ERC2: variants seen among roughly 807,000 people sequenced by gnomAD.
ERC2 encodes the protein ERC protein 2.
A neutral mutation model predicts 114.8 loss-of-function variants in ERC2; 42 were observed. That is an observed-to-expected ratio of 0.37 (90% CI 0.29 to 0.47). The LOEUF (loss-of-function observed/expected upper bound fraction) is 0.47. Ranked by LOEUF, ERC2 falls within the 20% of genes least tolerant of loss-of-function variation. The pLI is 0.99. For missense variants in ERC2, 939 were observed against 1,150.7 expected (o/e 0.82, Z 2.66); for synonymous variants, 454 against 425.5 (o/e 1.07, Z -0.82).
rs2149551670 is a variant in ERC2 at position 56,003,020 on chromosome 3, G to A, written c.2061+4161C>T. ...CTCAAATATTTTCAAAACCTCCCCA[G>A]TATGGCACACCGTGACTGGTGATCA... On this transcript the variant is annotated intron_variant, in intron 10 of 17. Transcript: ENST00000288221. 6.4e-6 allele frequency: 7 copies of A among 1,085,442 alleles called. No homozygotes were observed. The South Asian group carries it at 9.1e-5, about 14-fold the overall frequency. The allele number at this position is 1,085,442 out of a possible 1,614,324, so 67.2% of individuals were successfully genotyped here.
intron 3 of ERC2, among the ~76,000 whole-genome samples, chr3:56,275,689 A>T (rs2053943996): frequency 6.6e-6 from 1 of 152,190 alleles, no homozygotes; most frequent in Non-Finnish European, 1.5e-5. Context: ...GCTCTTAGCT[A>T]GCAAACTCCC....
At chr3:55,811,943 T>A (rs1283933602) in intron 14 of ERC2, among the ~76,000 whole-genome samples, 1 of 152,234 alleles carries the variant, frequency 6.6e-6, no homozygotes, top group Non-Finnish European at 1.5e-5. Flanking sequence ...GGTGGTTTGC[T>A]GCAACTATCA....
intron 13 of ERC2, among the ~76,000 whole-genome samples, chr3:55,940,032 A>G (rs2149421919): frequency 6.6e-6 from 1 of 152,352 alleles, no homozygotes; most frequent in South Asian, 2.1e-4. Flanking sequence ...AGTGACTTAC[A>G]TTTAAAGCCA....
At chr3:56,326,225 T>C (rs7641157) in intron 2 of ERC2, among the ~76,000 whole-genome samples, 47,050 of 152,076 alleles carry the variant, frequency 0.31, 7,429 homozygotes, top group Admixed American at 0.34. Flanking sequence ...AGCCAAAGCC[T>C]GAGGAAAGTC....
intron 14 of ERC2, among the ~76,000 whole-genome samples, chr3:55,845,707 C>G (rs553930577): frequency 6.6e-6 from 1 of 152,194 alleles, no homozygotes; most frequent in Non-Finnish European, 1.5e-5. Context: ...AATCTATAAG[C>G]CAGAGTCCAT....
intron 14 of ERC2, among the ~76,000 whole-genome samples, chr3:55,783,439 T>G (rs1262342292): frequency 6.6e-6 from 1 of 152,244 alleles, no homozygotes; most frequent in African/African-American, 2.4e-5. Context: ...ACAAATGTTA[T>G]TTCTCTGAAT....
chr3:55,817,030 GC>G (rs1464007691), intron 14 of ERC2, among the ~76,000 whole-genome samples: 1 of 152,188 alleles, frequency 6.6e-6, no homozygotes, highest in African/African-American at 2.4e-5. Flanking sequence ...AGCACACGAT[GC>G]TTCAAATAAC....
chr3:56,361,134 T>C (rs2058941554), intron 2 of ERC2, among the ~76,000 whole-genome samples: 1 of 151,960 alleles, frequency 6.6e-6, no homozygotes, highest in South Asian at 2.1e-4. Flanking sequence ...TTGTCTGACG[T>C]GCTATGGAGA....
At chr3:55,530,251 C>T (rs1367975433) in intron 17 of ERC2, among the ~76,000 whole-genome samples, 1 of 152,190 alleles carries the variant, frequency 6.6e-6, no homozygotes, top group Non-Finnish European at 1.5e-5. Flanking sequence ...GGTAAGATAG[C>T]AAAGGGCCAG....
chr3:55,547,282 A>G (rs2054822966), intron 17 of ERC2, among the ~76,000 whole-genome samples: 1 of 152,112 alleles, frequency 6.6e-6, no homozygotes, highest in Non-Finnish European at 1.5e-5. Flanking sequence ...CATCCTCTAC[A>G]TCGGCCAGGT....
intron 3 of ERC2, among the ~76,000 whole-genome samples, chr3:56,251,472 A>C (rs2052148772): frequency 6.6e-6 from 1 of 152,204 alleles, no homozygotes; most frequent in Non-Finnish European, 1.5e-5. Flanking sequence ...ACACAGGAAA[A>C]GCAATGTCCA....
intron 17 of ERC2, among the ~76,000 whole-genome samples, chr3:55,656,938 T>C (rs1246589282): frequency 6.6e-6 from 1 of 152,190 alleles, no homozygotes; most frequent in Non-Finnish European, 1.5e-5. Flanking sequence ...GAAGTAGTCA[T>C]GTAAGGGCAT....
chr3:55,646,994 A>G (rs984580951), intron 17 of ERC2: 21 of 152,096 alleles, frequency 1.4e-4, no homozygotes, highest in African/African-American at 4.4e-4. Flanking sequence ...ACAGGTGCAC[A>G]ACCACTCTCA....
At chr3:56,370,885 C>T (rs1015158202) in intron 2 of ERC2, among the ~76,000 whole-genome samples, 6 of 152,148 alleles carry the variant, frequency 3.9e-5, no homozygotes, top group East Asian at 1.9e-4. Context: ...TGAGGCACTG[C>T]GCCCAGCCTT....
intron 7 of ERC2, among the ~76,000 whole-genome samples, chr3:56,024,171 G>A (rs2073903816): frequency 6.6e-6 from 1 of 152,114 alleles, no homozygotes; most frequent in Admixed American, 6.5e-5. Context: ...AGAAAAATGG[G>A]GAAACTCACA....
Position 55,512,169 on chromosome 3 carries a change from G to A in ERC2, c.*40-893C>T, listed in dbSNP as rs528785836. Among the ~76,000 whole-genome samples, 112 of 152,238 alleles carry A rather than the reference G, an allele frequency of 7.4e-4. 1 individual carries two copies. Among genetic ancestry groups the A allele is most frequent in the Non-Finnish European group, 7.2e-4 (49 of 68,022 alleles). On this transcript the variant is annotated intron_variant, in intron 17 of 17. Coordinates refer to ENST00000288221, the MANE Select transcript of ERC2 (RefSeq NM_015576.3). ...TGATATGCAGCATTTTTCGAGTCAC[G>A]CCGACTAACAAGAATGCCAAAGATC...
intron 17 of ERC2, among the ~76,000 whole-genome samples, chr3:55,650,219 T>G (rs1172827958): frequency 6.6e-6 from 1 of 152,244 alleles, no homozygotes; most frequent in African/African-American, 2.4e-5. Context: ...CATGCTTCTC[T>G]GCCTCCTTAT....
At chr3:56,327,116 G>T (rs1249667523) in intron 2 of ERC2, among the ~76,000 whole-genome samples, 1 of 152,164 alleles carries the variant, frequency 6.6e-6, no homozygotes, top group African/African-American at 2.4e-5. Context: ...AGACCAATGT[G>T]TATTAGTCCA....
chr3:56,105,977 T>A (rs575186080), intron 6 of ERC2, among the ~76,000 whole-genome samples: 18 of 152,228 alleles, frequency 1.2e-4, no homozygotes, highest in Non-Finnish European at 2.4e-4. Context: ...ACTTGGCACA[T>A]GATTTCAGAA....
Sources: gnomAD v4.1 joint callset for allele counts (sites outside exome capture counted in the v4.1 genomes callset) on GRCh38, gnomAD v4.1.1 for gene constraint, MANE v1.5 for transcripts, NCBI Gene and HGNC (gene_info 2026-07-23, HGNC 2026-07-21) for gene names.